The following CWC27 variants were observed in gnomAD, a reference collection of about 807,000 sequenced individuals.
CWC27 encodes the protein CWC27 spliceosome associated cyclophilin.
CWC27 carries 47 observed loss-of-function variants against 63.6 expected under a neutral mutation model. The ratio of observed to expected loss-of-function variants is 0.74; its 90% confidence interval spans 0.58 to 0.94. CWC27 has a LOEUF of 0.94. Among genes scored for constraint, CWC27 ranks in the 40% least tolerant of loss-of-function variants. CWC27 has a pLI of 0.00. For missense variants in CWC27, 495 were observed against 554.3 expected (o/e 0.89, Z 1.07); for synonymous variants, 175 against 179.8 (o/e 0.97, Z 0.22).
At chr5:64,827,737 T>A (rs1433258846) in intron 10 of CWC27, among the ~76,000 whole-genome samples, 1 of 151,858 alleles carries the variant, frequency 6.6e-6, no homozygotes, top group African/African-American at 2.4e-5. Flanking sequence ...ACATACTTAT[T>A]GAGGACACAG....
intron 11 of CWC27, among the ~76,000 whole-genome samples, chr5:64,920,363 A>C (rs1016181667): frequency 6.6e-6 from 1 of 152,100 alleles, no homozygotes; most frequent in African/African-American, 2.4e-5. Context: ...GTGCTGCTGG[A>C]TTTGGTTTGC....
chr5:64,922,973 A>C (rs1748026006), intron 11 of CWC27, among the ~76,000 whole-genome samples: 1 of 152,070 alleles, frequency 6.6e-6, no homozygotes, highest in African/African-American at 2.4e-5. Context: ...TCATCTCTCA[A>C]GGTTAAGCCC....
At chr5:64,967,367 C>A (rs1749037000) in intron 11 of CWC27, among the ~76,000 whole-genome samples, 1 of 151,962 alleles carries the variant, frequency 6.6e-6, no homozygotes, top group Admixed American at 6.6e-5. Context: ...TTAATTTATA[C>A]ATTCAATGCA....
At chr5:64,790,422 G>T (rs936227962) in intron 7 of CWC27, among the ~76,000 whole-genome samples, 1 of 152,114 alleles carries the variant, frequency 6.6e-6, no homozygotes, top group Non-Finnish European at 1.5e-5. Flanking sequence ...TCATCAAAAT[G>T]ATTTACTATG....
intron 13 of CWC27, among the ~76,000 whole-genome samples, chr5:65,006,537 C>T (rs1168484064): frequency 6.6e-6 from 1 of 152,000 alleles, no homozygotes; most frequent in African/African-American, 2.4e-5. Flanking sequence ...ATTAAGAAAA[C>T]TGCAACCTAT....
chr5:64,816,192 A>G (rs1014496598), intron 10 of CWC27, among the ~76,000 whole-genome samples: 13 of 152,072 alleles, frequency 8.5e-5, no homozygotes, highest in East Asian at 1.9e-4. Context: ...CAAAATCTGA[A>G]TATTTGGGAG....
intron 10 of CWC27, among the ~76,000 whole-genome samples, chr5:64,879,817 G>A (rs1347588894): frequency 6.6e-6 from 1 of 151,560 alleles, no homozygotes; most frequent in African/African-American, 2.4e-5. Flanking sequence ...AAAGCCAAAG[G>A]TGTGAAAAAA....
At chr5:64,861,922 T>C (rs888713252) in intron 10 of CWC27, among the ~76,000 whole-genome samples, 1 of 152,246 alleles carries the variant, frequency 6.6e-6, no homozygotes, top group African/African-American at 2.4e-5. Context: ...TTTAATACAA[T>C]GTCATTCTTC....
chr5:64,863,469 C>T (rs570006581), intron 10 of CWC27, among the ~76,000 whole-genome samples: 4 of 151,886 alleles, frequency 2.6e-5, no homozygotes, highest in East Asian at 1.9e-4. Flanking sequence ...TCCCTGTGCT[C>T]TTCCCATCCC....
At chr5:65,014,325 T>C (rs1354084416) in intron 13 of CWC27, among the ~76,000 whole-genome samples, 3 of 148,050 alleles carry the variant, frequency 2.0e-5, no homozygotes, top group Non-Finnish European at 4.5e-5. Context: ...ATATATACTA[T>C]ATACCATATG....
chr5:65,013,944 T>G (rs1472440200), intron 13 of CWC27, among the ~76,000 whole-genome samples: 1 of 152,136 alleles, frequency 6.6e-6, no homozygotes, highest in African/African-American at 2.4e-5. Context: ...AGTTCCTCTC[T>G]TGATATTTCC....
intron 11 of CWC27, among the ~76,000 whole-genome samples, chr5:64,947,513 A>T (rs2112421548): frequency 6.6e-6 from 1 of 152,234 alleles, no homozygotes; most frequent in East Asian, 1.9e-4. Flanking sequence ...TCTGTATAAG[A>T]TCTTTATGTA....
chr5:64,895,708 A>G (rs1318172038), intron 11 of CWC27, among the ~76,000 whole-genome samples: 1 of 152,230 alleles, frequency 6.6e-6, no homozygotes, highest in African/African-American at 2.4e-5. Context: ...ATATATTTCA[A>G]GAAATGATAG....
At chr5:64,904,894 G>GC (rs145929432) in intron 11 of CWC27, among the ~76,000 whole-genome samples, 14,392 of 152,082 alleles carry the variant, frequency 0.095, 2,081 homozygotes, top group African/African-American at 0.31. Flanking sequence ...AGCTCTGTAT[G>GC]CCCTTTAAAC....
chr5:64,982,761 CAA>C (rs1749352051), intron 13 of CWC27, among the ~76,000 whole-genome samples: 1 of 152,152 alleles, frequency 6.6e-6, no homozygotes, highest in Non-Finnish European at 1.5e-5. Context: ...CAGTGGAACT[CAA>C]ATTATTGTCT....
At chr5:64,837,734 G>A (rs1020232589) in intron 10 of CWC27, among the ~76,000 whole-genome samples, 5 of 151,306 alleles carry the variant, frequency 3.3e-5, no homozygotes, top group African/African-American at 1.2e-4. Flanking sequence ...TTATTTAGAG[G>A]TTTACAACTT....
chr5:64,785,715 T>C, intron 5 of CWC27, 136 bp downstream of exon 5: 1 of 507,632 alleles, frequency 2.0e-6, no homozygotes, highest in Non-Finnish European at 3.5e-6. Flanking sequence ...TCTAATTTAT[T>C]TGGGCACCGT....
chr5:64,848,994 A>G (rs935511014), intron 10 of CWC27, among the ~76,000 whole-genome samples: 2 of 152,216 alleles, frequency 1.3e-5, no homozygotes, highest in Non-Finnish European at 2.9e-5. Context: ...CAGAGCAGAC[A>G]GCCAAGAGAA....
intron 10 of CWC27, among the ~76,000 whole-genome samples, chr5:64,816,257 T>C (rs1745025562): frequency 6.6e-6 from 1 of 152,102 alleles, no homozygotes; most frequent in South Asian, 2.1e-4. Flanking sequence ...ATGCCATTGA[T>C]AGAGGAAATG....
Sources: allele counts gnomAD v4.1 joint callset (sites outside exome capture counted in the v4.1 genomes callset), GRCh38; gene constraint gnomAD v4.1.1; transcripts MANE v1.5; gene names NCBI Gene and HGNC (gene_info 2026-07-23, HGNC 2026-07-21).